WDR31: variants seen among roughly 807,000 people sequenced by gnomAD.
WDR31 encodes the protein WD repeat-containing protein 31.
WDR31 carries 30 observed loss-of-function variants against 47.3 expected under a neutral mutation model. The ratio of observed to expected loss-of-function variants is 0.63; its 90% CI spans 0.47 to 0.86. WDR31 has a LOEUF of 0.86. Among genes scored for constraint, WDR31 ranks in the 40% least tolerant of loss-of-function variants. The pLI is 0.00. For synonymous variants in WDR31, 137 were observed against 159.4 expected (o/e 0.86, Z 1.06); for missense variants, 406 against 442.9 (o/e 0.92, Z 0.75).
chr9:113,339,983 C>A (rs1005060972), intron 1 of WDR31, among the ~76,000 whole-genome samples: 5 of 152,208 alleles, frequency 3.3e-5, no homozygotes, highest in African/African-American at 1.2e-4. Context: ...AATCCACCCG[C>A]CTCGGCCTCC....
At chr9:113,324,555 A>G (rs568279110) in intron 5 of WDR31, among the ~76,000 whole-genome samples, 46 of 151,072 alleles carry the variant, frequency 3.0e-4, no homozygotes, top group Non-Finnish European at 6.0e-4. Flanking sequence ...ATACCTGACT[A>G]ATTTTTGTAT....
At position 113,332,537 on chromosome 9, in the gene WDR31, C is replaced by CTTACTTACTA. The variant is rs1833622061; in HGVS notation, c.-28-488_-28-487insTAGTAAGTAA. On this transcript the variant is annotated intron_variant, in intron 2 of 10. Coordinates refer to ENST00000374193, the MANE Select transcript of WDR31 (RefSeq NM_001012361.4). ...AGAACATCATGCTAAGCAAAAGAAGCCAGACATGAAAGGCTACACAGTTCA... is the reference window on the plus strand; with the variant it reads ...AGAACATCATGCTAAGCAAAAGAAGCTTACTTACTACAGACATGAAAGGCTACACAGTTCA... Among the ~76,000 whole-genome samples, 3 of 152,196 alleles carry CTTACTTACTA rather than the reference C, an allele frequency of 2.0e-5. No homozygotes were observed. In the South Asian group the frequency reaches 6.2e-4, roughly 32 times the overall value.
chr9:113,336,874 A>T (rs577215636), intron 1 of WDR31, among the ~76,000 whole-genome samples: 1 of 152,196 alleles, frequency 6.6e-6, no homozygotes, highest in African/African-American at 2.4e-5. Flanking sequence ...TATAACTAAG[A>T]CCATTTATTG....
At chr9:113,333,979 CCTTCTT>C (rs1040532721) in intron 2 of WDR31, among the ~76,000 whole-genome samples, 1 of 151,716 alleles carries the variant, frequency 6.6e-6, no homozygotes, top group African/African-American at 2.4e-5. Context: ...TCCTCCTTCT[CCTTCTT>C]CTTTCTTTCT....
At chr9:113,323,196 A>C in intron 5 of WDR31, 41 bp from the exon 6 acceptor site, 2 of 1,596,030 alleles carry the variant, frequency 1.3e-6, no homozygotes, top group Non-Finnish European at 1.7e-6. Flanking sequence ...TAGCTCTGGT[A>C]TGCTAGTTGG....
intron 1 of WDR31, among the ~76,000 whole-genome samples, chr9:113,339,901 A>AT (rs1475222703): frequency 6.6e-6 from 1 of 151,850 alleles, no homozygotes; most frequent in Non-Finnish European, 1.5e-5. Flanking sequence ...CTCCCGGCTA[A>AT]TTTTTTGTAT....
chr9:113,323,259 A>C, intron 5 of WDR31, 104 bp from the exon 6 acceptor site: 9 of 1,376,992 alleles, frequency 6.5e-6, no homozygotes, highest in Non-Finnish European at 8.9e-6. Context: ...CTCCCCACAC[A>C]CACTTCTTTT....
chr9:113,329,231 G>C (rs1281087546), intron 4 of WDR31, among the ~76,000 whole-genome samples: 3 of 152,204 alleles, frequency 2.0e-5, no homozygotes, highest in Non-Finnish European at 4.4e-5. Context: ...TCCCCAAGGA[G>C]AACTGATTCC....
chr9:113,329,772 G>A (rs946689992), intron 4 of WDR31, among the ~76,000 whole-genome samples: 4 of 151,788 alleles, frequency 2.6e-5, no homozygotes, highest in Admixed American at 6.6e-5. Context: ...TCGGGAGTTC[G>A]AGAGCAGCCT....
chr9:113,327,419 GCA>G (rs35798479), intron 5 of WDR31, among the ~76,000 whole-genome samples: 3,769 of 148,496 alleles, frequency 0.025, 122 homozygotes, highest in African/African-American at 0.076. Flanking sequence ...AGTGTTACAT[GCA>G]CACACACACA....
chr9:113,331,256 A>T, intron 3 of WDR31, 140 bp from the exon 4 acceptor site: 2 of 597,216 alleles, frequency 3.3e-6, no homozygotes, highest in Non-Finnish European at 5.4e-6. Flanking sequence ...GGAGAAGAGA[A>T]GGGAGACCCA....
rs80342944 is a variant in WDR31, at chr9:113,332,544, T to C, written c.-28-494A>G. 6.0e-3 allele frequency among the ~76,000 whole-genome samples: 910 copies of C among 152,258 alleles called. 10 individuals carry two copies. The highest frequency in any genetic ancestry group is 0.021 in the African/African-American group (858 of 41,548). On this transcript the variant is annotated intron_variant, in intron 2 of 10. Transcript: ENST00000374193. ...CATGCTAAGCAAAAGAAGCCAGACA[T>C]GAAAGGCTACACAGTTCATATTCTA... is the stretch of plus-strand genomic sequence containing the variant.
At chr9:113,329,437 T>A (rs1309866435) in intron 4 of WDR31, among the ~76,000 whole-genome samples, 1 of 151,412 alleles carries the variant, frequency 6.6e-6, no homozygotes. Context: ...GGTCGGGAGT[T>A]TGAGACCAGA....
Position 113,331,065 on chromosome 9 carries a change from C to T in WDR31, c.168G>A (p.Glu56=). The change falls in exon 4 of 11, where the codon GAG becomes GAA. Residue 56 remains glutamate, a synonymous_variant. Coordinates refer to ENST00000374193, the MANE Select transcript of WDR31 (RefSeq NM_001012361.4). The part of the protein sequence containing the change: ...EERIQTKAFQ[E]YSPAHMDTVS... ...CGGTATCCATGTGAGCTGGGCTATA[C>T]TCTTGAAAAGCTTTAGTTTGAATTC... The T allele has an allele frequency of 1.2e-6, 2 of 1,607,426 alleles. No homozygotes were observed. Among genetic ancestry groups the T allele is most frequent in the Non-Finnish European group, 1.7e-6 (2 of 1,176,116 alleles).
intron 2 of WDR31, among the ~76,000 whole-genome samples, chr9:113,334,703 C>CTTTTTTTTTTTTTTT (rs71367719): frequency 4.8e-5 from 3 of 63,030 alleles, no homozygotes; most frequent in African/African-American, 6.6e-5. Flanking sequence ...CTACATCAGG[C>CTTTTTTTTTTTTTTT]TTTTTTTTTT....
chr9:113,324,828 ATGTGTG>A (rs57088850), intron 5 of WDR31, among the ~76,000 whole-genome samples: 6,964 of 138,084 alleles, frequency 0.05, 258 homozygotes, highest in African/African-American at 0.1. Flanking sequence ...ATATATATAT[ATGTGTG>A]TGTGTGTGTG....
chr9:113,325,777 T>C (rs1833447995), intron 5 of WDR31, among the ~76,000 whole-genome samples: 1 of 152,186 alleles, frequency 6.6e-6, no homozygotes, highest in Non-Finnish European at 1.5e-5. Context: ...TTTCTTCTCA[T>C]AGCCCTCGTT....
At chr9:113,323,875 T>C (rs898269550) in intron 5 of WDR31, among the ~76,000 whole-genome samples, 3 of 152,242 alleles carry the variant, frequency 2.0e-5, no homozygotes, top group Non-Finnish European at 4.4e-5. Flanking sequence ...TACGAAGAAT[T>C]TGAAGTGAAT....
chr9:113,322,598 A>G (rs2091648918), intron 7 of WDR31, among the ~76,000 whole-genome samples: 1 of 152,176 alleles, frequency 6.6e-6, no homozygotes, highest in Admixed American at 6.5e-5. Flanking sequence ...ATTCCAATAT[A>G]AGTGAGTAAA....
Sources: gnomAD v4.1 joint callset for allele counts (sites outside exome capture counted in the v4.1 genomes callset) on GRCh38, gnomAD v4.1.1 for gene constraint, MANE v1.5 for transcripts, NCBI Gene and HGNC (gene_info 2026-07-23, HGNC 2026-07-21) for gene names.